PAIP2B: variants seen among roughly 807,000 people sequenced by gnomAD.
PAIP2B encodes polyadenylate-binding protein-interacting protein 2B.
A neutral mutation model predicts 17.0 loss-of-function variants in PAIP2B; 13 were observed. That is an observed-to-expected ratio of 0.76 (90% CI 0.50 to 1.22). The LOEUF is 1.22. PAIP2B is among the 50% of genes most tolerant of loss of function. PAIP2B has a pLI of 0.00. For missense variants in PAIP2B, 117 were observed against 144.5 expected, an observed-to-expected ratio of 0.81 and a Z score of 0.98; for synonymous variants, 43 against 48.7, an observed-to-expected ratio of 0.88 and a Z score of 0.48.
chr2:71,217,777 T>C (rs1041377990), intron 1 of PAIP2B, among the ~76,000 whole-genome samples: 6 of 152,166 alleles, frequency 3.9e-5, no homozygotes, highest in Non-Finnish European at 7.4e-5. Context: ...CAAACAAAAG[T>C]AAGCTCTCGG....
At chr2:71,205,450 T>A (rs1675101548) in intron 1 of PAIP2B, among the ~76,000 whole-genome samples, 1 of 152,190 alleles carries the variant, frequency 6.6e-6, no homozygotes. Context: ...GTGGGCCTAC[T>A]GGGTGTGAGT....
At chr2:71,192,913 T>C (rs1249852765) in intron 2 of PAIP2B, among the ~76,000 whole-genome samples, 1 of 152,200 alleles carries the variant, frequency 6.6e-6, no homozygotes, top group Non-Finnish European at 1.5e-5. Flanking sequence ...TGTGTACATG[T>C]GTCTTTATGG....
chr2:71,207,232 C>T (rs1164735152), intron 1 of PAIP2B, among the ~76,000 whole-genome samples: 2 of 152,110 alleles, frequency 1.3e-5, no homozygotes, highest in African/African-American at 4.8e-5. Context: ...AGAAAGGTTT[C>T]CCTGAGCAAG....
intron 2 of PAIP2B, among the ~76,000 whole-genome samples, chr2:71,200,572 C>T (rs920864509): frequency 2.0e-5 from 3 of 152,080 alleles, no homozygotes; most frequent in African/African-American, 4.8e-5. Context: ...GCCAACATGG[C>T]GAAACCCCAT....
At chr2:71,196,763 G>A (rs1350949331) in intron 2 of PAIP2B, among the ~76,000 whole-genome samples, 3 of 152,068 alleles carry the variant, frequency 2.0e-5, no homozygotes, top group African/African-American at 7.2e-5. Context: ...TTACCATTAT[G>A]TAATGTCCTT....
chr2:71,182,805 G>A lies in PAIP2B; in HGVS notation c.*5674C>T, dbSNP rs1190361970. ...GTTTGTATAGCAAATTTTTTACAAA[G>A]TAACTTTTTTCCATTTTTGATATTT... On this transcript the variant is annotated 3_prime_UTR_variant, in exon 4 of 4. Transcript: ENST00000244221. 1 of 152,136 alleles carries A rather than the reference G, an allele frequency of 6.6e-6. No individual in the cohort carries two copies. Among genetic ancestry groups the A allele is most frequent in the Admixed American group, 6.6e-5 (1 of 15,266 alleles). The allele number at this position is 152,136 out of a possible 1,614,324, so 9.4% of individuals were successfully genotyped here.
rs1192922623 is a variant in PAIP2B at position 71,184,587 on chromosome 2, A to G, written c.*3892T>C. ...ACTGTTTCCAAATTGTAACTAACCA[A>G]GTCTGTGTAGGAAATTCACAAGGCA... On this transcript the variant is annotated 3_prime_UTR_variant, in exon 4 of 4. Transcript: ENST00000244221. 4.6e-5 allele frequency: 7 copies of G among 152,278 alleles called. No individual in the cohort carries two copies. The highest frequency in any genetic ancestry group is 1.7e-4 in the African/African-American group (7 of 41,470). The allele number at this position is 152,278 out of a possible 1,614,324, so 9.4% of individuals were successfully genotyped here. A position where few individuals can be genotyped will look rare whatever the true frequency, so the allele number is the denominator to read the frequency against.
chr2:71,208,144 C>T lies in PAIP2B; in HGVS notation c.-11-5544G>A, dbSNP rs543984235. 3.3e-5 allele frequency among the ~76,000 whole-genome samples: 5 copies of T among 152,232 alleles called. No homozygotes were observed. In the South Asian group the frequency reaches 6.2e-4, roughly 19 times the overall value. ...AATATTTTGAAAAGTCAGGTAGAAGCCGGGCACTGTGGCTCACACCTGTAA... is the reference window on the plus strand; with the variant it reads ...AATATTTTGAAAAGTCAGGTAGAAGTCGGGCACTGTGGCTCACACCTGTAA... On this transcript the variant is annotated intron_variant, in intron 1 of 3. Transcript: ENST00000244221.
In PAIP2B at chr2:71,188,341, C is replaced by T; in HGVS notation, c.*138G>A. On this transcript the variant is annotated 3_prime_UTR_variant, in exon 4 of 4. Transcript: ENST00000244221. Reference sequence around the variant, plus strand: ...ACTGAGCATATTAGTTACTCAGAGTCACAGTATTGTGAGACCACCACTCCC... The same window carrying T: ...ACTGAGCATATTAGTTACTCAGAGTTACAGTATTGTGAGACCACCACTCCC... The T allele has an allele frequency of 1.5e-6, 1 of 667,652 alleles. No individual in the cohort carries two copies. The highest frequency in any genetic ancestry group is 2.6e-6 in the Non-Finnish European group (1 of 377,842). The allele number at this position is 667,652 out of a possible 1,614,324, so 41.4% of individuals were successfully genotyped here.
At chr2:71,193,377 C>T (rs1249253402) in intron 2 of PAIP2B, among the ~76,000 whole-genome samples, 1 of 152,166 alleles carries the variant, frequency 6.6e-6, no homozygotes, top group Admixed American at 6.5e-5. Context: ...TCCTCCCTTT[C>T]TGTAGGTTGT....
In PAIP2B at chr2:71,188,257, A is replaced by C. The variant is rs1674593769; in HGVS notation, c.*222T>G. 5 of 507,708 alleles carry C rather than the reference A, an allele frequency of 9.8e-6. No individual in the cohort carries two copies. Among genetic ancestry groups the C allele is most frequent in the South Asian group, 7.0e-5 (2 of 28,590 alleles). The allele number at this position is 507,708 out of a possible 1,614,324, so 31.5% of individuals were successfully genotyped here. A position where few individuals can be genotyped will look rare whatever the true frequency, so the allele number is the denominator to read the frequency against. ...GAGCTATTTAAAAAAACAAAACAGG[A>C]AACTCCCCAAACAAAAGTCAGCAGA... On this transcript the variant is annotated 3_prime_UTR_variant, in exon 4 of 4. Transcript: ENST00000244221.
chr2:71,210,622 A>C (rs911608446), intron 1 of PAIP2B, among the ~76,000 whole-genome samples: 3 of 152,260 alleles, frequency 2.0e-5, no homozygotes, highest in African/African-American at 7.2e-5. Context: ...CAAGGAAGTC[A>C]GGAAAAAGAG....
chr2:71,213,572 T>TCA (rs780217310), intron 1 of PAIP2B, among the ~76,000 whole-genome samples: 8 of 152,166 alleles, frequency 5.3e-5, no homozygotes, highest in Non-Finnish European at 8.8e-5. Flanking sequence ...ATGAAAGGCC[T>TCA]CACACTGTGT....
rs70959217 is a variant in PAIP2B at position 71,201,008 on chromosome 2, GGTGTGT to G, written c.138+1438_138+1443del. On this transcript the variant is annotated intron_variant, in intron 2 of 3. Transcript: ENST00000244221. ...TTTCCTCAATCTCTTTGTGTGTGTGGGTGTGTGTGTGTGTGTGTGTGTGTGTGTGTG... is the reference window on the plus strand; with the variant it reads ...TTTCCTCAATCTCTTTGTGTGTGTGGGTGTGTGTGTGTGTGTGTGTGTGTG... 0.025 allele frequency among the ~76,000 whole-genome samples: 814 copies of G among 32,350 alleles called. 5 individuals are homozygous for G. The East Asian group carries it at 0.38, about 15-fold the overall frequency. The allele number at this position is 32,350 out of a possible 152,430, so 21.2% of individuals were successfully genotyped here.
At chr2:71,206,237 A>G (rs759529060) in intron 1 of PAIP2B, among the ~76,000 whole-genome samples, 24 of 152,212 alleles carry the variant, frequency 1.6e-4, no homozygotes, top group Admixed American at 3.3e-4. Flanking sequence ...GAAATAGGTC[A>G]CTGCTTGAGA....
chr2:71,192,393 A>G (rs981626970), intron 2 of PAIP2B, among the ~76,000 whole-genome samples: 1 of 151,802 alleles, frequency 6.6e-6, no homozygotes, highest in South Asian at 2.1e-4. Context: ...AATTTTTCAA[A>G]CTTTTTCATT....
intron 2 of PAIP2B, among the ~76,000 whole-genome samples, chr2:71,199,761 C>T (rs1674931946): frequency 6.6e-6 from 1 of 152,146 alleles, no homozygotes. Flanking sequence ...CACTGTGACA[C>T]ATGCCTGTAG....
chr2:71,211,059 C>T (rs1348503328), intron 1 of PAIP2B, among the ~76,000 whole-genome samples: 1 of 152,038 alleles, frequency 6.6e-6, no homozygotes, highest in African/African-American at 2.4e-5. Context: ...CCAGCCTGGC[C>T]AACATGGTGA....
chr2:71,224,077 C>T (rs999360117), intron 1 of PAIP2B, among the ~76,000 whole-genome samples: 5 of 152,148 alleles, frequency 3.3e-5, no homozygotes, highest in African/African-American at 1.2e-4. Context: ...CCAAGGTGAC[C>T]CTCAGCCTTG....
Sources: allele counts gnomAD v4.1 joint callset (sites outside exome capture counted in the v4.1 genomes callset), GRCh38; gene constraint gnomAD v4.1.1; transcripts MANE v1.5; gene names NCBI Gene and HGNC (gene_info 2026-07-23, HGNC 2026-07-21).